Variants in PAPOLA observed in about 807,000 individuals in gnomAD.
PAPOLA encodes poly(A) polymerase alpha.
A neutral mutation model predicts 100.6 loss-of-function variants in PAPOLA; 15 were observed. The observed-to-expected ratio is 0.15, with a 90% CI of 0.10 to 0.23. The LOEUF (loss-of-function observed/expected upper bound fraction) is 0.23. PAPOLA is among the 10% of genes least tolerant of loss of function. PAPOLA has a pLI of 1.00. For missense variants in PAPOLA, 533 were observed against 884.2 expected, an observed-to-expected ratio of 0.60 and a Z score of 5.04; for synonymous variants, 293 against 300.0, an observed-to-expected ratio of 0.98 and a Z score of 0.24.
rs1264715923 is a variant in PAPOLA, at chr14:96,567,033, C to T, written c.*1983C>T. 1 of 152,332 alleles carries T rather than the reference C, an allele frequency of 6.6e-6. No homozygotes were observed. The highest frequency in any genetic ancestry group is 2.4e-5 in the African/African-American group (1 of 41,362). The allele number at this position is 152,332 out of a possible 1,614,324, so 9.4% of individuals were successfully genotyped here. ...GCTTTGTTTTATAGTATCTGTACTC[C>T]TTGTATTTTTCAAGAGCTATTTTGT... On this transcript the variant is annotated 3_prime_UTR_variant, in exon 22 of 22. Transcript: ENST00000216277.
chr14:96,523,316 A>C (rs924273013), intron 3 of PAPOLA, among the ~76,000 whole-genome samples: 4 of 152,238 alleles, frequency 2.6e-5, no homozygotes, highest in Admixed American at 2.6e-4. Context: ...ACTAGTCACT[A>C]GTCACCAGCC....
At chr14:96,551,768 T>C (rs142645846) in intron 16 of PAPOLA, among the ~76,000 whole-genome samples, 1 of 152,290 alleles carries the variant, frequency 6.6e-6, no homozygotes, top group East Asian at 1.9e-4. Context: ...TAGTTTTTGG[T>C]TTTTCTGCAT....
At chr14:96,540,087 A>G (rs1457132673) in intron 12 of PAPOLA, among the ~76,000 whole-genome samples, 3 of 152,166 alleles carry the variant, frequency 2.0e-5, no homozygotes, top group Admixed American at 1.3e-4. Flanking sequence ...TTTGGATTTC[A>G]GTAAGAAGTT....
intron 6 of PAPOLA, 89 bp from the exon 7 acceptor site, chr14:96,531,386 T>A: frequency 1.0e-6 from 1 of 973,372 alleles, no homozygotes; most frequent in Non-Finnish European, 1.5e-6. Context: ...CCTCCCAGAG[T>A]GCTGGGATTT....
chr14:96,508,624 G>C (rs1374922501), intron 1 of PAPOLA, among the ~76,000 whole-genome samples: 1 of 152,154 alleles, frequency 6.6e-6, no homozygotes, highest in Non-Finnish European at 1.5e-5. Flanking sequence ...TCAACTTTAG[G>C]TTAACATTAC....
chr14:96,550,667 T>C (rs1044344610), intron 16 of PAPOLA, among the ~76,000 whole-genome samples: 2 of 152,240 alleles, frequency 1.3e-5, no homozygotes, highest in African/African-American at 4.8e-5. Context: ...CGTGACCATC[T>C]ATCCAAATTA....
At chr14:96,560,817 T>C in intron 20 of PAPOLA, 106 bp downstream of exon 20, 1 of 726,332 alleles carries the variant, frequency 1.4e-6, no homozygotes, top group African/African-American at 1.8e-5. Flanking sequence ...TTTAGATTTT[T>C]TTAGTATTGT....
At chr14:96,516,380 T>G (rs970137627) in intron 1 of PAPOLA, among the ~76,000 whole-genome samples, 4 of 151,460 alleles carry the variant, frequency 2.6e-5, no homozygotes, top group Non-Finnish European at 5.9e-5. Context: ...CTCCCTCTCT[T>G]TCTTCCTTCC....
chr14:96,560,737 C>T, intron 20 of PAPOLA, 26 bp downstream of exon 20: 2 of 1,346,848 alleles, frequency 1.5e-6, no homozygotes, highest in East Asian at 2.3e-5. Flanking sequence ...CTTTAGAATA[C>T]ATACACAATT....
chr14:96,542,923 T>C (rs1900108923), intron 14 of PAPOLA, 30 bp downstream of exon 14: 3 of 1,604,894 alleles, frequency 1.9e-6, no homozygotes, highest in East Asian at 4.5e-5. Flanking sequence ...AATTTCTTCT[T>C]CCCATTTCCA....
chr14:96,550,718 G>A lies in PAPOLA; in HGVS notation c.1522-1762G>A, dbSNP rs138541007. ...TTTAATATCTCTTTATATAGCTACA[G>A]TATGATTAAATCTACCCTGTATTTG... On this transcript the variant is annotated intron_variant, in intron 16 of 21. Transcript: ENST00000216277. 5.2e-3 allele frequency among the ~76,000 whole-genome samples: 790 copies of A among 152,216 alleles called. 9 individuals carry two copies. Among genetic ancestry groups the A allele is most frequent in the African/African-American group, 0.018 (759 of 41,544 alleles).
chr14:96,508,143 T>A (rs1896859972), intron 1 of PAPOLA, among the ~76,000 whole-genome samples: 1 of 152,206 alleles, frequency 6.6e-6, no homozygotes, highest in Non-Finnish European at 1.5e-5. Flanking sequence ...CCCAAAGTGC[T>A]GGGATTACAG....
chr14:96,519,121 G>A (rs1595508687), intron 1 of PAPOLA, among the ~76,000 whole-genome samples: 1 of 151,746 alleles, frequency 6.6e-6, no homozygotes, highest in East Asian at 2.0e-4. Flanking sequence ...TAGAGACAGG[G>A]TTTCAGCATG....
At chr14:96,507,305 T>TTTTTTTTTTTTG (rs59549622) in intron 1 of PAPOLA, among the ~76,000 whole-genome samples, 1 of 99,144 alleles carries the variant, frequency 1.0e-5, no homozygotes, top group African/African-American at 3.8e-5. Context: ...TTTTTTTTTT[T>TTTTTTTTTTTTG]GAGACGGAGT....
chr14:96,506,483 C>G (rs779349089), intron 1 of PAPOLA, among the ~76,000 whole-genome samples: 35 of 152,096 alleles, frequency 2.3e-4, no homozygotes, highest in African/African-American at 7.7e-4. Context: ...ATTTAGGAGA[C>G]TTAAATGAGA....
chr14:96,520,597 G>A (rs146928260), intron 2 of PAPOLA, among the ~76,000 whole-genome samples: 213 of 152,114 alleles, frequency 1.4e-3, no homozygotes, highest in African/African-American at 5.0e-3. Flanking sequence ...GGCTGGTCTC[G>A]AACTCCTGAG....
chr14:96,525,081 A>C (rs1430432265), intron 3 of PAPOLA, among the ~76,000 whole-genome samples: 1 of 152,234 alleles, frequency 6.6e-6, no homozygotes, highest in Non-Finnish European at 1.5e-5. Flanking sequence ...TAGGGCAAGA[A>C]TCTAACAATA....
intron 4 of PAPOLA, among the ~76,000 whole-genome samples, chr14:96,525,790 C>G (rs73351196): frequency 0.017 from 2,535 of 152,190 alleles, 72 homozygotes; most frequent in African/African-American, 0.058. Flanking sequence ...CTCAGAGTTT[C>G]AGTAGAGGTA....
chr14:96,519,232 C>T (rs1324232345), intron 1 of PAPOLA, among the ~76,000 whole-genome samples: 1 of 151,986 alleles, frequency 6.6e-6, no homozygotes, highest in African/African-American at 2.4e-5. Context: ...GGCCTATAAA[C>T]ACTTAATTTC....
Sources: allele counts gnomAD v4.1 joint callset (sites outside exome capture counted in the v4.1 genomes callset), GRCh38; gene constraint gnomAD v4.1.1; transcripts MANE v1.5; gene names NCBI Gene and HGNC (gene_info 2026-07-23, HGNC 2026-07-21).